The following CADPS variants were observed in gnomAD, a reference collection of about 807,000 sequenced individuals.
CADPS encodes the protein calcium dependent secretion activator.
In CADPS, 57 loss-of-function variants were observed where a neutral mutation model predicts 167.3. That is an observed-to-expected ratio of 0.34 (90% CI 0.28 to 0.42). CADPS has a LOEUF of 0.42. Ranked by LOEUF, CADPS falls within the 20% of genes least tolerant of loss-of-function variation. The pLI, the probability that CADPS is intolerant of heterozygous loss-of-function variation, is 1.00. For synonymous variants in CADPS, 676 were observed against 635.3 expected, an observed-to-expected ratio of 1.06 and a Z score of -0.96; for missense variants, 1,414 against 1,738.1, an observed-to-expected ratio of 0.81 and a Z score of 3.32.
intron 3 of CADPS, among the ~76,000 whole-genome samples, chr3:62,685,415 TAA>T (rs1177592269): frequency 1.3e-5 from 2 of 151,760 alleles, no homozygotes; most frequent in African/African-American, 4.8e-5. Flanking sequence ...GCCATATAAA[TAA>T]AAAAACTGGT....
At chr3:62,682,830 C>T (rs1372437076) in intron 3 of CADPS, among the ~76,000 whole-genome samples, 1 of 152,006 alleles carries the variant, frequency 6.6e-6, no homozygotes, top group African/African-American at 2.4e-5. Flanking sequence ...GGGAGGAATG[C>T]AAACATTAAT....
intron 28 of CADPS, among the ~76,000 whole-genome samples, chr3:62,418,218 G>A (rs1213075273): frequency 1.3e-5 from 2 of 151,620 alleles, no homozygotes; most frequent in African/African-American, 4.8e-5. Flanking sequence ...AATTTCATAT[G>A]TAATAAATTG....
At chr3:62,492,472 A>G (rs1158037531) in intron 19 of CADPS, 26 bp from the exon 20 acceptor site, 4 of 1,606,642 alleles carry the variant, frequency 2.5e-6, no homozygotes, top group African/African-American at 2.7e-5. Flanking sequence ...GAAAAACAAT[A>G]GACAAAGAAG....
At chr3:62,579,219 G>A (rs768511664) in intron 8 of CADPS, among the ~76,000 whole-genome samples, 4 of 152,212 alleles carry the variant, frequency 2.6e-5, no homozygotes, top group Non-Finnish European at 4.4e-5. Flanking sequence ...TGGATCGAAA[G>A]CAATAACTGT....
At position 62,532,986 on chromosome 3, in the gene CADPS, G is replaced by A; in HGVS notation, c.2176C>T (p.Arg726Ter). 6.2e-7 allele frequency: 1 copy of A among 1,613,708 alleles called. No homozygotes were observed. The highest frequency in any genetic ancestry group is 8.5e-7 in the Non-Finnish European group (1 of 1,179,818). The part of the protein sequence containing the change: ...CARNGVRGCH[R>*]HLCYLRDLLE... ...AAGTCTCTGAGGTAGCAGAGATGTC[G>A]GTGACACCCCCGGACTCCATTTCGG... is the stretch of plus-strand genomic sequence containing the variant. Residue 726 changes from arginine (R) to a stop codon, truncating the protein, a stop_gained, in exon 13 of 30, where the codon CGA (arginine) becomes TGA (stop). Coordinates refer to ENST00000383710, the MANE Select transcript of CADPS (RefSeq NM_003716.4). LOFTEE classifies it high-confidence loss of function.
intron 1 of CADPS, among the ~76,000 whole-genome samples, chr3:62,802,735 G>C (rs1253244503): frequency 6.6e-6 from 1 of 152,136 alleles, no homozygotes; most frequent in African/African-American, 2.4e-5. Context: ...CATAATGCTT[G>C]ACACCTTCAT....
intron 3 of CADPS, among the ~76,000 whole-genome samples, chr3:62,740,010 TG>T (rs1323312913): frequency 1.3e-5 from 2 of 152,214 alleles, no homozygotes; most frequent in African/African-American, 4.8e-5. Flanking sequence ...CAACAACCCT[TG>T]AAATCAGTGA....
Position 62,875,008 on chromosome 3 carries a change from C to A in CADPS, c.22G>T (p.Glu8Ter). 1 of 1,596,776 alleles carries A rather than the reference C, an allele frequency of 6.3e-7. No individual in the cohort carries two copies. The change falls in exon 1 of 30, where the codon GAA (glutamate) becomes TAA (stop). Residue 8 changes from glutamate (E) to a stop codon, truncating the protein, a stop_gained. Transcript: ENST00000383710. LOFTEE classifies it high-confidence loss of function. MLDPSSS[E>*]EESDEIVEEE... ...TCCACGATCTCATCCGATTCTTCTT[C>A]GCTGGACGAAGGGTCCAGCATAGTG...
At chr3:62,776,496 T>C (rs1436207441) in intron 1 of CADPS, among the ~76,000 whole-genome samples, 7 of 151,968 alleles carry the variant, frequency 4.6e-5, no homozygotes, top group Admixed American at 1.3e-4. Context: ...CTACTAAAAA[T>C]ACAAAAAATT....
At chr3:62,419,605 A>G (rs767194825) in intron 28 of CADPS, among the ~76,000 whole-genome samples, 6 of 152,176 alleles carry the variant, frequency 3.9e-5, no homozygotes, top group Non-Finnish European at 8.8e-5. Context: ...TGCATACAAG[A>G]ACTTAAGATG....
At chr3:62,557,776 T>A (rs2078422191) in intron 9 of CADPS, among the ~76,000 whole-genome samples, 1 of 152,216 alleles carries the variant, frequency 6.6e-6, no homozygotes, top group Admixed American at 6.5e-5. Flanking sequence ...GGAATGCACT[T>A]ACAGTCTGTT....
chr3:62,785,874 A>T lies in CADPS; in HGVS notation c.442-19890T>A, dbSNP rs562663994. ...CATCATAATTAGTAAGACATAAAAA[A>T]CCAAGCATCTAGGACACAAAGAAAA... On this transcript the variant is annotated intron_variant, in intron 1 of 29. Transcript: ENST00000383710. Among the ~76,000 whole-genome samples the T allele has an allele frequency of 1.3e-4, 20 of 151,892 alleles. No homozygotes were observed. The South Asian group carries it at 4.2e-3, about 32-fold the overall frequency.
At chr3:62,492,935 C>G (rs1179474266) in intron 19 of CADPS, among the ~76,000 whole-genome samples, 1 of 152,170 alleles carries the variant, frequency 6.6e-6, no homozygotes, top group African/African-American at 2.4e-5. Flanking sequence ...ACTCATGTTT[C>G]CCTACACATT....
intron 17 of CADPS, among the ~76,000 whole-genome samples, chr3:62,504,299 CATATTGT>C (rs2066253080): frequency 6.6e-6 from 1 of 152,126 alleles, no homozygotes; most frequent in South Asian, 2.1e-4. Context: ...AATAGTACTC[CATATTGT>C]ATATTTTGTT....
intron 6 of CADPS, chr3:62,626,319 G>T: frequency 2.2e-6 from 1 of 447,510 alleles, no homozygotes; most frequent in Non-Finnish European, 3.9e-6. Flanking sequence ...TCTCATTCAC[G>T]TCACTTTGCA....
chr3:62,830,340 T>G (rs1417715407), intron 1 of CADPS, among the ~76,000 whole-genome samples: 1 of 152,134 alleles, frequency 6.6e-6, no homozygotes, highest in African/African-American at 2.4e-5. Flanking sequence ...TCTTCAACAT[T>G]AAAGAGAAAA....
chr3:62,408,770 T>G lies in CADPS; in HGVS notation c.3778-5585A>C, dbSNP rs536167845. Among the ~76,000 whole-genome samples the G allele has an allele frequency of 5.9e-5, 9 of 152,288 alleles. No individual in the cohort carries two copies. In the South Asian group the frequency reaches 1.0e-3, roughly 18 times the overall value. ...GAACAAGCCATATATCACAGATGAG[T>G]GGCAGTGGAAACAAGGAGTAGTGGC... On this transcript the variant is annotated intron_variant, in intron 28 of 29. Transcript: ENST00000383710.
intron 12 of CADPS, among the ~76,000 whole-genome samples, chr3:62,533,746 T>C (rs369337827): frequency 1.1e-4 from 17 of 152,086 alleles, no homozygotes; most frequent in Admixed American, 5.9e-4. Context: ...GGAAAGAGTG[T>C]TTTTTAAATT....
At chr3:62,855,881 T>C (rs2079580847) in intron 1 of CADPS, among the ~76,000 whole-genome samples, 1 of 152,210 alleles carries the variant, frequency 6.6e-6, no homozygotes, top group Non-Finnish European at 1.5e-5. Flanking sequence ...TTTAGATTTT[T>C]ATACTTTTTC....
Sources: gnomAD v4.1 joint callset for allele counts (sites outside exome capture counted in the v4.1 genomes callset) on GRCh38, gnomAD v4.1.1 for gene constraint, MANE v1.5 for transcripts, NCBI Gene and HGNC (gene_info 2026-07-23, HGNC 2026-07-21) for gene names.